The following XPO5 variants were observed in gnomAD, a reference collection of about 807,000 sequenced individuals.
The protein encoded by XPO5 is exportin-5.
XPO5 carries 46 observed loss-of-function variants against 160.6 expected under a neutral mutation model. That is an observed-to-expected ratio of 0.29 (90% CI 0.23 to 0.37). The LOEUF (loss-of-function observed/expected upper bound fraction) is 0.37, where lower values mean the gene tolerates loss of function less well. XPO5 is among the 10% of genes least tolerant of loss of function. The pLI, the probability that XPO5 is intolerant of heterozygous loss-of-function variation, is 1.00. For synonymous variants in XPO5, 537 were observed against 519.3 expected, an observed-to-expected ratio of 1.03 and a Z score of -0.46; for missense variants, 1,090 against 1,463.9, an observed-to-expected ratio of 0.74 and a Z score of 4.17.
intron 1 of XPO5, among the ~76,000 whole-genome samples, chr6:43,574,588 T>C (rs1028749405): frequency 6.6e-6 from 1 of 151,948 alleles, no homozygotes; most frequent in African/African-American, 2.4e-5. Context: ...CCTACTAGTG[T>C]TGGAAAAAAA....
chr6:43,555,173 C>T (rs1326383584), intron 13 of XPO5: 2 of 152,196 alleles, frequency 1.3e-5, no homozygotes, highest in African/African-American at 2.4e-5. Context: ...AACTCTCGAC[C>T]TCAGGTGATC....
Position 43,536,181 on chromosome 6 carries a change from A to G in XPO5, c.2343-2174T>C, listed in dbSNP as rs922572371. ...TGTAATCCCAGCACTTTGGGAGGCT[A>G]AGGCAGACGGATCACCTGAGGTCAG... On this transcript the variant is annotated intron_variant, in intron 20 of 31. Coordinates refer to ENST00000265351, the MANE Select transcript of XPO5 (RefSeq NM_020750.3). Among the ~76,000 whole-genome samples the G allele has an allele frequency of 9.9e-5, 15 of 151,538 alleles. No individual in the cohort carries two copies. The East Asian group carries it at 2.9e-3, about 29-fold the overall frequency.
chr6:43,562,364 C>G lies in XPO5; in HGVS notation c.912-18G>C, dbSNP rs761984009. ...CAGCAGTCCTGTAAGATGAGAATTCCTTATATCACCAACAAAATTAAAAAG... is the reference window on the plus strand; with the variant it reads ...CAGCAGTCCTGTAAGATGAGAATTCGTTATATCACCAACAAAATTAAAAAG... On this transcript the variant is annotated intron_variant, in intron 8 of 31. Transcript: ENST00000265351. The G allele has an allele frequency of 5.9e-5, 92 of 1,553,244 alleles. No homozygotes were observed. The highest frequency in any genetic ancestry group is 8.0e-5 in the Non-Finnish European group (91 of 1,135,758).
rs181667063 is a variant in XPO5 at position 43,527,518 on chromosome 6, A to G, written c.2920+116T>C. On this transcript the variant is annotated intron_variant, in intron 26 of 31. Coordinates refer to ENST00000265351, the MANE Select transcript of XPO5 (RefSeq NM_020750.3). ...TGATCTTTTGACCTCGCAATCCACC[A>G]TGCCCGCCGCAAACATGAATCCTTT... 1.2e-5 allele frequency: 12 copies of G among 1,007,936 alleles called. No homozygotes were observed. The Admixed American group carries it at 1.7e-4, about 14-fold the overall frequency. 62.4% of individuals were successfully genotyped at this position (1,007,936 alleles called of 1,614,324 possible).
intron 8 of XPO5, among the ~76,000 whole-genome samples, chr6:43,565,333 G>A (rs1342421003): frequency 6.6e-6 from 1 of 152,076 alleles, no homozygotes; most frequent in Non-Finnish European, 1.5e-5. Flanking sequence ...TTGGGAGGCT[G>A]AGGCAGGTAG....
chr6:43,566,013 T>A (rs1762677038), intron 7 of XPO5, among the ~76,000 whole-genome samples: 1 of 152,176 alleles, frequency 6.6e-6, no homozygotes, highest in African/African-American at 2.4e-5. Context: ...TCCCAGCACT[T>A]TGGGAGGACG....
chr6:43,567,760 A>C (rs6914190), intron 6 of XPO5, among the ~76,000 whole-genome samples: 1 of 151,658 alleles, frequency 6.6e-6, no homozygotes, highest in African/African-American at 2.4e-5. Flanking sequence ...TAAAATAAAA[A>C]AAATACCCTA....
At chr6:43,542,417 A>AT (rs569659307) in intron 20 of XPO5, among the ~76,000 whole-genome samples, 23 of 149,648 alleles carry the variant, frequency 1.5e-4, no homozygotes, top group East Asian at 3.9e-4. Context: ...TTATTTTTCA[A>AT]TTTTTTTTTT....
Position 43,551,473 on chromosome 6 carries a change from C to T in XPO5, c.1573-20G>A, listed in dbSNP as rs373404290. ...AATTTCCTGTAACAAAGACATAAAA[C>T]AGGTTGACAATGGCTGCCTCCACTT... On this transcript the variant is annotated intron_variant, in intron 14 of 31. Transcript: ENST00000265351. The T allele has an allele frequency of 1.9e-6, 3 of 1,606,422 alleles. No homozygotes were observed. The African/African-American group carries it at 4.0e-5, about 22-fold the overall frequency.
chr6:43,565,284 C>A (rs1360470818), intron 8 of XPO5, among the ~76,000 whole-genome samples: 1 of 152,026 alleles, frequency 6.6e-6, no homozygotes, highest in Non-Finnish European at 1.5e-5. Flanking sequence ...GTAAGAACTT[C>A]AGGTGGGCAC....
chr6:43,534,866 T>C (rs1435748979), intron 20 of XPO5, among the ~76,000 whole-genome samples: 1 of 151,878 alleles, frequency 6.6e-6, no homozygotes, highest in African/African-American at 2.4e-5. Flanking sequence ...GGTGTGGTGG[T>C]GCATGCGTGT....
At chr6:43,532,501 C>T (rs750683556) in intron 21 of XPO5, among the ~76,000 whole-genome samples, 2 of 152,204 alleles carry the variant, frequency 1.3e-5, no homozygotes, top group Non-Finnish European at 2.9e-5. Context: ...CTAACTTCAT[C>T]CCACATTCCC....
chr6:43,524,093 G>A (rs1793377581), intron 31 of XPO5, 88 bp from the exon 32 acceptor site: 2 of 1,522,356 alleles, frequency 1.3e-6, no homozygotes, highest in Non-Finnish European at 1.8e-6. Flanking sequence ...GCTCGCGCCT[G>A]TAATCCCAAC....
chr6:43,524,657 T>C, intron 30 of XPO5, 22 bp from the exon 31 acceptor site: 1 of 1,610,060 alleles, frequency 6.2e-7, no homozygotes, highest in Non-Finnish European at 8.5e-7. Flanking sequence ...AGGGATAAAC[T>C]TACTGGATGT....
chr6:43,528,959 G>C, intron 23 of XPO5, 34 bp from the exon 24 acceptor site: 1 of 1,586,362 alleles, frequency 6.3e-7, no homozygotes, highest in Non-Finnish European at 8.6e-7. Context: ...TTAGTGCATA[G>C]GCACACATCT....
At chr6:43,568,874 T>G in intron 5 of XPO5, 137 bp from the exon 6 acceptor site, 1 of 698,272 alleles carries the variant, frequency 1.4e-6, no homozygotes, top group East Asian at 2.8e-5. Context: ...ATAACACAAC[T>G]TTACTAAGCA....
intron 8 of XPO5, 150 bp downstream of exon 8, chr6:43,565,510 A>T: frequency 3.4e-6 from 2 of 586,256 alleles, no homozygotes; most frequent in South Asian, 4.7e-5. Context: ...GGTTGTGGTG[A>T]GCCAAGATCG....
intron 31 of XPO5, among the ~76,000 whole-genome samples, 160 bp downstream of exon 31, chr6:43,524,311 C>T (rs955238300): frequency 6.7e-6 from 1 of 150,278 alleles, no homozygotes; most frequent in Non-Finnish European, 1.5e-5. Context: ...GAGATCGTAC[C>T]ACTGCACTCC....
At chr6:43,566,560 G>A (rs979290682) in intron 7 of XPO5, 1 of 323,140 alleles carries the variant, frequency 3.1e-6, no homozygotes, top group Non-Finnish European at 6.6e-6. Context: ...TGTAATCCCA[G>A]CACTTTAGGA....
Sources: gnomAD v4.1 joint callset for allele counts (sites outside exome capture counted in the v4.1 genomes callset) on GRCh38, gnomAD v4.1.1 for gene constraint, MANE v1.5 for transcripts, NCBI Gene and HGNC (gene_info 2026-07-23, HGNC 2026-07-21) for gene names.